Variants in MEGF11 observed in about 807,000 individuals in gnomAD.
MEGF11 encodes the protein multiple epidermal growth factor-like domains protein 11.
A neutral mutation model predicts 146.6 loss-of-function variants in MEGF11; 126 were observed. The ratio of observed to expected loss-of-function variants is 0.86; its 90% CI spans 0.74 to 1.00. The LOEUF is 1.00. MEGF11 is among the 50% of genes least tolerant of loss of function. MEGF11 has a pLI of 0.00. For missense variants in MEGF11, 1,509 were observed against 1,521.2 expected, an observed-to-expected ratio of 0.99 and a Z score of 0.13; for synonymous variants, 532 against 583.4, an observed-to-expected ratio of 0.91 and a Z score of 1.27.
At chr15:66,124,946 T>C (rs2088262507) in intron 2 of MEGF11, among the ~76,000 whole-genome samples, 1 of 152,260 alleles carries the variant, frequency 6.6e-6, no homozygotes, top group Non-Finnish European at 1.5e-5. Context: ...TATTATTCAG[T>C]GTTTTTCCCA....
intron 3 of MEGF11, among the ~76,000 whole-genome samples, chr15:66,122,470 C>T (rs1031404723): frequency 2.6e-5 from 4 of 152,134 alleles, no homozygotes; most frequent in Non-Finnish European, 2.9e-5. Flanking sequence ...TCTATGTTGC[C>T]GCCCAGCATG....
At position 65,913,853 on chromosome 15, in the gene MEGF11, A is replaced by C; in HGVS notation, c.2594T>G (p.Leu865Arg). 1 of 1,614,024 alleles carries C rather than the reference A, an allele frequency of 6.2e-7. No individual in the cohort carries two copies. Among genetic ancestry groups the C allele is most frequent in the Non-Finnish European group, 8.5e-7 (1 of 1,179,898 alleles). ...IMLLLFLIVV[L>R]LGLFAWHRRR... ...CCGATGCCAGGCAAATAGGCCCAGCAGCACCACAATGAGGAATAACAGGAG... is the reference window on the plus strand; with the variant it reads ...CCGATGCCAGGCAAATAGGCCCAGCCGCACCACAATGAGGAATAACAGGAG... The change falls in exon 20 of 26, where the codon CTG becomes CGG. Residue 865 changes from leucine (L) to arginine (R), a missense_variant. Transcript: ENST00000395614.
At chr15:66,015,945 G>A (rs971642358) in intron 5 of MEGF11, among the ~76,000 whole-genome samples, 2 of 151,302 alleles carry the variant, frequency 1.3e-5, no homozygotes, top group East Asian at 3.9e-4. Flanking sequence ...TTGGTGGGGG[G>A]GCTCTGGTAG....
intron 1 of MEGF11, among the ~76,000 whole-genome samples, chr15:66,208,647 C>T (rs556152809): frequency 2.5e-3 from 378 of 151,460 alleles, no homozygotes; most frequent in African/African-American, 8.9e-3. Context: ...TTTGGGAGGT[C>T]AAGGTGGGCA....
At chr15:66,076,670 G>C (rs2085600918) in intron 5 of MEGF11, among the ~76,000 whole-genome samples, 1 of 152,148 alleles carries the variant, frequency 6.6e-6, no homozygotes, top group Admixed American at 6.5e-5. Flanking sequence ...GAGACAGTAA[G>C]GCTGTACCAG....
chr15:65,986,793 C>T (rs866425288), intron 5 of MEGF11, among the ~76,000 whole-genome samples: 2,639 of 121,300 alleles, frequency 0.022, 96 homozygotes, highest in African/African-American at 0.076. Context: ...CTGATTTTTC[C>T]TTTTTTTTTT....
chr15:66,126,155 G>C (rs921676093), intron 2 of MEGF11, among the ~76,000 whole-genome samples: 1 of 152,182 alleles, frequency 6.6e-6, no homozygotes, highest in East Asian at 1.9e-4. Flanking sequence ...ATGAGGAGCC[G>C]CCAGAAGCAC....
At chr15:65,984,737 T>C (rs2081792735) in intron 5 of MEGF11, among the ~76,000 whole-genome samples, 1 of 152,090 alleles carries the variant, frequency 6.6e-6, no homozygotes, top group African/African-American at 2.4e-5. Context: ...GTGACTATTA[T>C]GATAATGACA....
rs955666193 is a variant in MEGF11, at chr15:66,204,221, G to A, written c.-9+49384C>T. 2.6e-5 allele frequency among the ~76,000 whole-genome samples: 4 copies of A among 152,200 alleles called. No individual in the cohort carries two copies. In the East Asian group the frequency reaches 5.8e-4, roughly 22 times the overall value. ...GTTTGAAACCAACCTGGGCAACATG[G>A]TGAAACCCCGTCTCTACAAAAAGCA... On this transcript the variant is annotated intron_variant, in intron 1 of 25. Coordinates refer to ENST00000395614, the MANE Select transcript of MEGF11 (RefSeq NM_001385028.1).
chr15:66,072,074 T>C (rs2085391253), intron 5 of MEGF11, among the ~76,000 whole-genome samples: 1 of 152,212 alleles, frequency 6.6e-6, no homozygotes, highest in African/African-American at 2.4e-5. Context: ...TTCAGCAAGA[T>C]GCCTTCGCGT....
chr15:66,096,471 C>T (rs1222651632), intron 4 of MEGF11, among the ~76,000 whole-genome samples: 1 of 152,218 alleles, frequency 6.6e-6, no homozygotes, highest in Non-Finnish European at 1.5e-5. Flanking sequence ...GGGGTGGCTC[C>T]TGGAGCTAGA....
intron 1 of MEGF11, among the ~76,000 whole-genome samples, chr15:66,204,181 C>T (rs904270147): frequency 3.9e-5 from 6 of 152,136 alleles, no homozygotes; most frequent in Admixed American, 1.3e-4. Flanking sequence ...ACAGGCAGAT[C>T]GCTTGAGCCC....
Position 65,909,623 on chromosome 15 carries a change from TG to T in MEGF11, c.2896+116del, listed in dbSNP as rs2078733059. 1.0e-5 allele frequency: 11 copies of T among 1,054,004 alleles called. No homozygotes were observed. The East Asian group carries it at 2.3e-4, about 22-fold the overall frequency. The allele number at this position is 1,054,004 out of a possible 1,614,324, so 65.3% of individuals were successfully genotyped here. On this transcript the variant is annotated intron_variant, in intron 22 of 25. Transcript: ENST00000395614. ...GCTTGTGAGAGCCAAAATTTCTCCC[TG>T]GGGGAAACCATGTTCAGAACTCATA...
chr15:65,976,362 T>C (rs1489389714), intron 7 of MEGF11, among the ~76,000 whole-genome samples: 2 of 152,236 alleles, frequency 1.3e-5, no homozygotes, highest in African/African-American at 4.8e-5. Context: ...GCTGAAGTTT[T>C]AACCTCCAGT....
At position 65,982,216 on chromosome 15, in the gene MEGF11, CCTCCAGGTCCTGCCG is replaced by C; in HGVS notation, c.641+11_641+25del. 1 of 1,536,354 alleles carries C rather than the reference CCTCCAGGTCCTGCCG, an allele frequency of 6.5e-7. No homozygotes were observed. Among genetic ancestry groups the C allele is most frequent in the Non-Finnish European group, 8.7e-7 (1 of 1,144,056 alleles). ...AGGTCCCGCCCCTCCAGGTCCCGCC[CCTCCAGGTCCTGCCG>C]CATGACTCACTAGACGCCGGTGTAG... On this transcript the variant is annotated intron_variant, in intron 6 of 25. Coordinates refer to ENST00000395614, the MANE Select transcript of MEGF11 (RefSeq NM_001385028.1). This position sits in a 1 kb window ranked among gnomAD's most constrained non-coding sequence, Gnocchi z 5.6.
In MEGF11 at chr15:65,970,556, TCCC is replaced by T; in HGVS notation, c.893_895del (p.Gly298del). 3.1e-6 allele frequency: 5 copies of T among 1,613,860 alleles called. No homozygotes were observed. The highest frequency in any genetic ancestry group is 4.2e-6 in the Non-Finnish European group (5 of 1,179,810). Reference sequence around the variant, plus strand: ...TAACAGTTAACACTATCCTTACCTGTCCCCCATGTATCCAGCTGTACAGTGGCA... The same window carrying T: ...TAACAGTTAACACTATCCTTACCTGTCCATGTATCCAGCTGTACAGTGGCA... On this transcript the variant is annotated inframe_deletion, in exon 8 of 26. Coordinates refer to ENST00000395614, the MANE Select transcript of MEGF11 (RefSeq NM_001385028.1).
At chr15:66,062,815 G>T (rs1195690710) in intron 5 of MEGF11, among the ~76,000 whole-genome samples, 3 of 152,246 alleles carry the variant, frequency 2.0e-5, no homozygotes, top group Non-Finnish European at 4.4e-5. Context: ...AGTGCCAAAG[G>T]CCCTAAGGCA....
chr15:66,114,734 C>T (rs998521), intron 4 of MEGF11, among the ~76,000 whole-genome samples: 24,801 of 145,194 alleles, frequency 0.17, 2,309 homozygotes, highest in East Asian at 0.31. Flanking sequence ...GCCAGGACTC[C>T]GCTGTAGCTG....
chr15:65,989,380 C>T (rs868264645), intron 5 of MEGF11, among the ~76,000 whole-genome samples: 5 of 152,218 alleles, frequency 3.3e-5, no homozygotes, highest in Admixed American at 2.6e-4. Context: ...CTCCCTTCTC[C>T]TCTCCAGCAA....
Sources: allele counts gnomAD v4.1 joint callset (sites outside exome capture counted in the v4.1 genomes callset), GRCh38; gene constraint gnomAD v4.1.1; non-coding constraint Gnocchi (gnomAD v3.1); transcripts MANE v1.5; gene names NCBI Gene and HGNC (gene_info 2026-07-23, HGNC 2026-07-21).